SYNPR: variants seen among roughly 807,000 people sequenced by gnomAD.
The protein encoded by SYNPR is synaptoporin.
In SYNPR, 23 loss-of-function variants were observed where a neutral mutation model predicts 32.9. That is an observed-to-expected ratio of 0.70 (90% CI 0.50 to 0.99). The LOEUF is 0.99. Among genes scored for constraint, SYNPR ranks in the 50% least tolerant of loss-of-function variants. SYNPR has a pLI of 0.00. For missense variants in SYNPR, 318 were observed against 349.3 expected, an observed-to-expected ratio of 0.91 and a Z score of 0.71; for synonymous variants, 146 against 135.9, an observed-to-expected ratio of 1.07 and a Z score of -0.52.
intron 2 of SYNPR, among the ~76,000 whole-genome samples, chr3:63,440,178 T>G (rs1013056401): frequency 9.9e-5 from 15 of 152,016 alleles, no homozygotes; most frequent in African/African-American, 3.4e-4. Flanking sequence ...AACTAACAAC[T>G]GAGTGGCAAA....
intron 4 of SYNPR, among the ~76,000 whole-genome samples, chr3:63,566,000 C>T (rs1243260255): frequency 6.6e-6 from 1 of 152,124 alleles, no homozygotes; most frequent in Non-Finnish European, 1.5e-5. Context: ...TCTCTTTCCT[C>T]TAAGCTCTGC....
chr3:63,250,966 G>A (rs2086326508), intron 1 of SYNPR, among the ~76,000 whole-genome samples: 1 of 151,992 alleles, frequency 6.6e-6, no homozygotes, highest in Non-Finnish European at 1.5e-5. Context: ...AAAGTAAATA[G>A]AAGCATAACA....
intron 2 of SYNPR, among the ~76,000 whole-genome samples, chr3:63,476,442 G>A (rs1394966328): frequency 6.6e-6 from 1 of 152,026 alleles, no homozygotes; most frequent in Non-Finnish European, 1.5e-5. Flanking sequence ...AGATAAAAAG[G>A]ACAAATCACC....
chr3:63,434,565 G>A (rs1700046972), intron 2 of SYNPR, among the ~76,000 whole-genome samples: 1 of 152,158 alleles, frequency 6.6e-6, no homozygotes, highest in African/African-American at 2.4e-5. Context: ...ATTGAAAATG[G>A]TTTCCATGTT....
intron 2 of SYNPR, among the ~76,000 whole-genome samples, chr3:63,405,525 G>C (rs1242403699): frequency 6.6e-6 from 1 of 152,156 alleles, no homozygotes; most frequent in Non-Finnish European, 1.5e-5. Flanking sequence ...TACAGACAGA[G>C]ATGAGACCCA....
chr3:63,470,351 AT>A (rs1010961070), intron 2 of SYNPR, among the ~76,000 whole-genome samples: 9 of 143,314 alleles, frequency 6.3e-5, no homozygotes, highest in South Asian at 6.2e-4. Flanking sequence ...TAATTACTCT[AT>A]TTTTTTATAG....
At chr3:63,373,765 A>G (rs1452739720) in intron 2 of SYNPR, among the ~76,000 whole-genome samples, 1 of 152,142 alleles carries the variant, frequency 6.6e-6, no homozygotes, top group East Asian at 1.9e-4. Context: ...CATCCCCAAG[A>G]CACATAATCA....
At chr3:63,407,497 G>C (rs1192756458) in intron 2 of SYNPR, among the ~76,000 whole-genome samples, 1 of 152,162 alleles carries the variant, frequency 6.6e-6, no homozygotes, top group Non-Finnish European at 1.5e-5. Flanking sequence ...GTAAAATGGA[G>C]ATGATGCTAT....
At chr3:63,392,652 T>G (rs1436355923) in intron 2 of SYNPR, among the ~76,000 whole-genome samples, 2 of 152,168 alleles carry the variant, frequency 1.3e-5, no homozygotes, top group Non-Finnish European at 2.9e-5. Flanking sequence ...TGCCTGGTGG[T>G]TCAGCCTTAA....
At chr3:63,434,083 A>T (rs1390178618) in intron 2 of SYNPR, among the ~76,000 whole-genome samples, 1 of 152,114 alleles carries the variant, frequency 6.6e-6, no homozygotes, top group Non-Finnish European at 1.5e-5. Flanking sequence ...AAAACACTCA[A>T]ATGTTATACA....
At chr3:63,207,252 C>T in the SYNPR span, among the ~76,000 whole-genome samples, 1 of 152,146 alleles carries the variant, frequency 6.6e-6, no homozygotes, top group Non-Finnish European at 1.5e-5. Flanking sequence ...GTGCTGGGAC[C>T]CACGTCAGCT....
intron 3 of SYNPR, among the ~76,000 whole-genome samples, chr3:63,502,620 A>G (rs1219905362): frequency 6.6e-6 from 1 of 152,142 alleles, no homozygotes; most frequent in Admixed American, 6.6e-5. Context: ...TGCTTTTTCC[A>G]GAATGGCATA....
chr3:63,318,957 G>A (rs1240164538), intron 2 of SYNPR, among the ~76,000 whole-genome samples: 3 of 151,996 alleles, frequency 2.0e-5, no homozygotes, highest in Admixed American at 6.6e-5. Context: ...GTGTTCCCTT[G>A]ACGTAGTACT....
intron 2 of SYNPR, among the ~76,000 whole-genome samples, chr3:63,363,483 A>G (rs1171117165): frequency 6.6e-6 from 1 of 152,202 alleles, no homozygotes; most frequent in African/African-American, 2.4e-5. Flanking sequence ...AGCAAACTCA[A>G]TACTGGTGAT....
At chr3:63,260,468 G>A (rs1414051636) in intron 2 of SYNPR, among the ~76,000 whole-genome samples, 2 of 152,182 alleles carry the variant, frequency 1.3e-5, no homozygotes. Context: ...AAGAAATGGG[G>A]AAAAGATTCT....
intron 2 of SYNPR, among the ~76,000 whole-genome samples, chr3:63,471,691 G>A (rs951119807): frequency 6.6e-6 from 1 of 152,100 alleles, no homozygotes; most frequent in Non-Finnish European, 1.5e-5. Flanking sequence ...GCTTTTTTAT[G>A]GCTACTATTG....
chr3:63,508,759 A>G (rs1701638554), intron 3 of SYNPR, among the ~76,000 whole-genome samples: 1 of 152,100 alleles, frequency 6.6e-6, no homozygotes, highest in African/African-American at 2.4e-5. Context: ...AAAAAAGTAC[A>G]AATTAAAGGA....
chr3:63,465,464 A>G (rs1212127570), intron 2 of SYNPR, among the ~76,000 whole-genome samples: 2 of 152,104 alleles, frequency 1.3e-5, no homozygotes, highest in East Asian at 3.8e-4. Flanking sequence ...TGAACAAAAA[A>G]CTATTGGATT....
In SYNPR at chr3:63,561,680, AGG is replaced by A. The variant is rs199601751; in HGVS notation, c.408+4941_408+4942del. ...GCATCTGTCGTACTAGAACTACTAG[AGG>A]GTTCTGCTTCTAAGTGCCATTTATC... On this transcript the variant is annotated intron_variant, in intron 4 of 5. Transcript: ENST00000478300. Among the ~76,000 whole-genome samples the A allele has an allele frequency of 4.0e-3, 611 of 152,340 alleles. 3 individuals carry two copies. Among genetic ancestry groups the A allele is most frequent in the African/African-American group, 0.014 (571 of 41,566 alleles).
Sources: gnomAD v4.1 joint callset for allele counts (sites outside exome capture counted in the v4.1 genomes callset) on GRCh38, gnomAD v4.1.1 for gene constraint, MANE v1.5 for transcripts, NCBI Gene and HGNC (gene_info 2026-07-23, HGNC 2026-07-21) for gene names.